Variants in CNBD2 observed in about 807,000 individuals in gnomAD.
CNBD2 encodes cyclic nucleotide binding domain containing 2, also known as cyclic nucleotide-binding domain-containing protein 2.
A neutral mutation model predicts 63.7 loss-of-function variants in CNBD2; 64 were observed. The observed-to-expected ratio is 1.00, with a 90% CI of 0.82 to 1.24. The LOEUF is 1.24. Among genes scored for constraint, CNBD2 ranks in the 50% most tolerant of loss-of-function variants. The pLI, the probability that CNBD2 is intolerant of heterozygous loss-of-function variation, is 0.00. For synonymous variants in CNBD2, 229 were observed against 255.4 expected (o/e 0.90, Z 0.99); for missense variants, 691 against 713.5 (o/e 0.97, Z 0.36).
Position 36,030,519 on chromosome 20 carries a change from G to C in CNBD2, c.1602G>C (p.Leu534Phe). 1 of 1,614,134 alleles carries C rather than the reference G, an allele frequency of 6.2e-7. No homozygotes were observed. Among genetic ancestry groups the C allele is most frequent in the Non-Finnish European group, 8.5e-7 (1 of 1,180,042 alleles). The change falls in exon 12 of 12, where the codon TTG becomes TTC. Residue 534 changes from leucine to phenylalanine, a missense_variant. Physicochemically the swap from Leu to Phe is conservative, Grantham distance 22 (BLOSUM62 0). Transcript: ENST00000373973. ...ACCCTAAGTCTGTGGTCCTGGATTT[G>C]TGCAGCATCAACAAGACGACTAAAC... is the stretch of plus-strand genomic sequence containing the variant. Reference protein sequence around the residue: ...IYNPKSVVLDLCSINKTTKPR... With the variant: ...IYNPKSVVLDFCSINKTTKPR...
Position 36,030,631 on chromosome 20 carries a change from C to G in CNBD2, c.1714C>G (p.Arg572Gly). The G allele has an allele frequency of 6.2e-7, 1 of 1,614,144 alleles. No individual in the cohort carries two copies. The highest frequency in any genetic ancestry group is 8.5e-7 in the Non-Finnish European group (1 of 1,180,024). Residue 572 changes from arginine to glycine, a missense_variant, in exon 12 of 12, where the codon CGA becomes GGA. Arg to Gly is a moderately radical substitution (Grantham distance 125). Coordinates refer to ENST00000373973, the MANE Select transcript of CNBD2 (RefSeq NM_001365709.1). Reference protein sequence around the residue: ...QAIKAPRYKIRELLA With the variant: ...QAIKAPRYKIGELLA ...CATCAAAGCACCTCGGTACAAAATC[C>G]GAGAACTCTTGGCTTAGTGTAAGAG...
At position 36,024,923 on chromosome 20, in the gene CNBD2, G is replaced by A. The variant is rs372834812; in HGVS notation, c.1439+1152G>A. ...GCACTCCAGCCTGGGCAACAAGGGC[G>A]AAATCTGTCTCAAACAAAAATAATA... On this transcript the variant is annotated intron_variant, in intron 11 of 11. Coordinates refer to ENST00000373973, the MANE Select transcript of CNBD2 (RefSeq NM_001365709.1). 3.4e-3 allele frequency among the ~76,000 whole-genome samples: 512 copies of A among 152,230 alleles called. 6 individuals carry two copies. Among genetic ancestry groups the A allele is most frequent in the African/African-American group, 0.012 (483 of 41,536 alleles).
At chr20:35,968,040 C>T (rs1309807977), upstream of CNBD2, among the ~76,000 whole-genome samples, 3 of 152,108 alleles carry the variant, frequency 2.0e-5, no homozygotes, top group Non-Finnish European at 2.9e-5. Context: ...AATCCGGAGT[C>T]GATACCCAGT....
intron 8 of CNBD2, among the ~76,000 whole-genome samples, chr20:35,995,934 C>T (rs1770130785): frequency 1.3e-5 from 2 of 152,182 alleles, no homozygotes; most frequent in Non-Finnish European, 2.9e-5. Flanking sequence ...CGAGGGGCTG[C>T]ATCTGGTGAA....
chr20:35,984,863 C>A, intron 6 of CNBD2, 85 bp downstream of exon 6: 1 of 1,378,036 alleles, frequency 7.3e-7, no homozygotes, highest in Non-Finnish European at 1.0e-6. Context: ...TGGTGGGAAA[C>A]ATACTGGTTG....
At chr20:35,999,605 G>C (rs2056869419) in intron 8 of CNBD2, among the ~76,000 whole-genome samples, 1 of 151,292 alleles carries the variant, frequency 6.6e-6, no homozygotes, top group Non-Finnish European at 1.5e-5. Flanking sequence ...ATGCTATTGT[G>C]ATATATTATA....
intron 11 of CNBD2, among the ~76,000 whole-genome samples, chr20:36,025,758 G>C (rs1441074572): frequency 6.6e-6 from 1 of 151,964 alleles, no homozygotes; most frequent in Admixed American, 6.6e-5. Flanking sequence ...GCCCAGACCA[G>C]TGGTCTCAAA....
chr20:36,022,953 G>T (rs1202438447), intron 10 of CNBD2, among the ~76,000 whole-genome samples: 1 of 152,044 alleles, frequency 6.6e-6, no homozygotes, highest in Non-Finnish European at 1.5e-5. Context: ...AAGTCCTAAG[G>T]AAGAGAAAAG....
At chr20:35,974,054 G>C (rs897541331) in intron 2 of CNBD2, 13 of 153,294 alleles carry the variant, frequency 8.5e-5, no homozygotes, top group African/African-American at 2.2e-4. Flanking sequence ...GATGGGGGAA[G>C]GAAAGGCAGC....
At chr20:35,994,285 G>A (rs1326263594) in intron 7 of CNBD2, among the ~76,000 whole-genome samples, 1 of 151,774 alleles carries the variant, frequency 6.6e-6, no homozygotes, top group Non-Finnish European at 1.5e-5. Context: ...GGCTGGTCTC[G>A]AACTCCCGAC....
intron 8 of CNBD2, among the ~76,000 whole-genome samples, chr20:36,007,769 A>C (rs1023336561): frequency 2.0e-5 from 3 of 152,092 alleles, no homozygotes; most frequent in Non-Finnish European, 4.4e-5. Context: ...GTGATCCTCT[A>C]CTTTGATCTC....
intron 2 of CNBD2, among the ~76,000 whole-genome samples, chr20:35,962,705 T>C (rs2056318215): frequency 6.6e-6 from 1 of 152,338 alleles, no homozygotes; most frequent in South Asian, 2.1e-4. Context: ...ATGAATTATG[T>C]TTATATAATT....
chr20:35,993,015 T>C (rs1177911864), intron 7 of CNBD2, among the ~76,000 whole-genome samples: 1 of 152,106 alleles, frequency 6.6e-6, no homozygotes. Context: ...TTTCAACTCA[T>C]TTCTAACAGT....
chr20:35,986,143 A>G (rs2056664146), intron 6 of CNBD2, among the ~76,000 whole-genome samples: 1 of 152,144 alleles, frequency 6.6e-6, no homozygotes, highest in Admixed American at 6.5e-5. Context: ...CTCTTCAGTT[A>G]TTTGCCTTTA....
chr20:36,023,922 C>A (rs1224860758), intron 11 of CNBD2, 151 bp downstream of exon 11: 3 of 581,262 alleles, frequency 5.2e-6, no homozygotes, highest in Non-Finnish European at 8.6e-6. Context: ...TAGGCTCAAT[C>A]CTTTTGATAA....
intron 1 of CNBD2, among the ~76,000 whole-genome samples, chr20:35,969,579 G>T (rs187689434): frequency 1.3e-5 from 2 of 152,168 alleles, no homozygotes; most frequent in Admixed American, 1.3e-4. Context: ...GTTTAAAAAT[G>T]ATACCATAAA....
chr20:36,012,933 T>C (rs891745694), intron 10 of CNBD2, among the ~76,000 whole-genome samples: 3 of 151,398 alleles, frequency 2.0e-5, no homozygotes, highest in East Asian at 3.9e-4. Flanking sequence ...ACTATAGAGA[T>C]AGTAAAATTA....
chr20:35,999,029 C>G (rs982677669), intron 8 of CNBD2, among the ~76,000 whole-genome samples: 2 of 151,854 alleles, frequency 1.3e-5, no homozygotes, highest in Non-Finnish European at 2.9e-5. Context: ...GGATTGAACT[C>G]TTAATTATTA....
intron 11 of CNBD2, 101 bp from the exon 12 acceptor site, chr20:36,030,256 A>C (rs1002338105): frequency 2.1e-5 from 24 of 1,152,284 alleles, no homozygotes; most frequent in Non-Finnish European, 2.8e-5. Context: ...TCAGAGAAGC[A>C]GAATGAAGCG....
Sources: allele counts gnomAD v4.1 joint callset (sites outside exome capture counted in the v4.1 genomes callset), GRCh38; gene constraint gnomAD v4.1.1; transcripts MANE v1.5; gene names NCBI Gene and HGNC (gene_info 2026-07-23, HGNC 2026-07-21).